SLC25A21: variants seen among roughly 807,000 people sequenced by gnomAD.
SLC25A21 encodes mitochondrial 2-oxodicarboxylate carrier.
In SLC25A21, 47 loss-of-function variants were observed where a neutral mutation model predicts 43.8. The ratio of observed to expected loss-of-function variants is 1.07; its 90% confidence interval spans 0.85 to 1.37. The LOEUF is 1.37. Among genes scored for constraint, SLC25A21 ranks in the 40% most tolerant of loss-of-function variants. The pLI, the probability that SLC25A21 is intolerant of heterozygous loss-of-function variation, is 0.00. For missense variants in SLC25A21, 352 were observed against 350.2 expected (o/e 1.00, Z -0.04); for synonymous variants, 131 against 121.3 (o/e 1.08, Z -0.52).
chr14:36,782,588 C>T lies in SLC25A21; in HGVS notation c.203+31330G>A, dbSNP rs564086536. On this transcript the variant is annotated intron_variant, in intron 3 of 9. Transcript: ENST00000331299. ...TTAGGAAAGAAACACCCTCACCAGT[C>T]AGCCCAGCTAGGGATTCTGAGGCTT... is the stretch of plus-strand genomic sequence containing the variant. 7.9e-4 allele frequency among the ~76,000 whole-genome samples: 120 copies of T among 152,306 alleles called. 1 individual carries two copies. Among genetic ancestry groups the T allele is most frequent in the African/African-American group, 2.9e-3 (119 of 41,560 alleles).
intron 7 of SLC25A21, among the ~76,000 whole-genome samples, chr14:36,692,713 GAT>G (rs1882842539): frequency 6.6e-6 from 1 of 152,196 alleles, no homozygotes; most frequent in African/African-American, 2.4e-5. Context: ...GAGTGGGGGT[GAT>G]GAGGGACACA....
chr14:36,752,646 T>C (rs1436140979), intron 3 of SLC25A21, among the ~76,000 whole-genome samples: 1 of 152,192 alleles, frequency 6.6e-6, no homozygotes, highest in Admixed American at 6.5e-5. Flanking sequence ...AAGTACTGTA[T>C]TGACATGGTT....
chr14:37,110,954 CA>C (rs146005650), intron 1 of SLC25A21, among the ~76,000 whole-genome samples: 18,578 of 146,836 alleles, frequency 0.13, 2,820 homozygotes, highest in African/African-American at 0.36. Flanking sequence ...TGAACAGCAA[CA>C]AAAAAAAAAT....
At chr14:37,132,144 C>T (rs1305181522) in intron 1 of SLC25A21, among the ~76,000 whole-genome samples, 5 of 152,116 alleles carry the variant, frequency 3.3e-5, no homozygotes, top group African/African-American at 9.7e-5. Context: ...CAAAAGGGGG[C>T]CAAACTTATC....
At chr14:36,905,689 A>C (rs533581583) in intron 1 of SLC25A21, among the ~76,000 whole-genome samples, 10 of 152,078 alleles carry the variant, frequency 6.6e-5, no homozygotes, top group Non-Finnish European at 1.2e-4. Flanking sequence ...AGAGGTCTGA[A>C]GGAGAAAGCA....
chr14:36,999,558 T>C (rs1382517531), intron 1 of SLC25A21, among the ~76,000 whole-genome samples: 3 of 152,086 alleles, frequency 2.0e-5, no homozygotes, highest in African/African-American at 7.2e-5. Context: ...TTGTAACAAA[T>C]GTACAAGTGG....
At chr14:37,070,927 GT>G (rs1372847999) in intron 1 of SLC25A21, among the ~76,000 whole-genome samples, 1 of 152,156 alleles carries the variant, frequency 6.6e-6, no homozygotes, top group Admixed American at 6.5e-5. Context: ...TGGACAAGCT[GT>G]CACATCAGTT....
intron 1 of SLC25A21, among the ~76,000 whole-genome samples, chr14:36,914,266 A>G (rs903177017): frequency 5.3e-5 from 8 of 152,172 alleles, no homozygotes; most frequent in Non-Finnish European, 7.4e-5. Flanking sequence ...GCTTTAGGAG[A>G]CAGGGAAGTC....
chr14:36,982,398 A>G (rs116807062), intron 1 of SLC25A21, among the ~76,000 whole-genome samples: 253 of 152,336 alleles, frequency 1.7e-3, no homozygotes, highest in African/African-American at 5.8e-3. Flanking sequence ...ACCACATAGT[A>G]ACCTCCTTTT....
chr14:36,760,649 T>C (rs1886119318), intron 3 of SLC25A21, among the ~76,000 whole-genome samples: 1 of 152,170 alleles, frequency 6.6e-6, no homozygotes, highest in Non-Finnish European at 1.5e-5. Flanking sequence ...TAGTCAGAGA[T>C]ATAGGAGAGC....
At chr14:37,167,086 G>A (rs374299239) in intron 1 of SLC25A21, among the ~76,000 whole-genome samples, 2 of 152,130 alleles carry the variant, frequency 1.3e-5, no homozygotes, top group East Asian at 1.9e-4. Context: ...AAGAATTGCC[G>A]GCAGACCTGT....
intron 1 of SLC25A21, among the ~76,000 whole-genome samples, chr14:36,969,528 G>A (rs1490335552): frequency 1.3e-5 from 2 of 151,942 alleles, no homozygotes; most frequent in African/African-American, 2.4e-5. Flanking sequence ...TTACCCGGTG[G>A]CCCAGGCTGG....
chr14:37,017,316 G>A (rs1225865126), intron 1 of SLC25A21, among the ~76,000 whole-genome samples: 2 of 151,930 alleles, frequency 1.3e-5, no homozygotes, highest in Non-Finnish European at 2.9e-5. Context: ...TGTGTCTCTT[G>A]GAATAGGCAG....
chr14:36,870,520 A>G (rs959486781), intron 2 of SLC25A21: 1 of 152,144 alleles, frequency 6.6e-6, no homozygotes, highest in Non-Finnish European at 1.5e-5. Context: ...TCTTTCTGTG[A>G]GTCTCTTTCC....
In SLC25A21 at chr14:37,051,078, G is replaced by C. The variant is rs374396149; in HGVS notation, c.70+121203C>G. Among the ~76,000 whole-genome samples, 12 of 152,196 alleles carry C rather than the reference G, an allele frequency of 7.9e-5. No individual in the cohort carries two copies. In the South Asian group the frequency reaches 2.5e-3, roughly 32 times the overall value. ...CTTAAATGACTTTGTTCATGTATTAGTTTACATCATTAATATCAAAGATCT... is the reference window on the plus strand; with the variant it reads ...CTTAAATGACTTTGTTCATGTATTACTTTACATCATTAATATCAAAGATCT... On this transcript the variant is annotated intron_variant, in intron 1 of 9. Coordinates refer to ENST00000331299, the MANE Select transcript of SLC25A21 (RefSeq NM_030631.4).
intron 2 of SLC25A21, among the ~76,000 whole-genome samples, chr14:36,832,269 A>T (rs1889066073): frequency 6.6e-6 from 1 of 152,116 alleles, no homozygotes; most frequent in Admixed American, 6.6e-5. Flanking sequence ...ATATATATAT[A>T]TATCTTCATT....
At chr14:36,888,165 G>T (rs1594669954) in intron 1 of SLC25A21, among the ~76,000 whole-genome samples, 1 of 152,248 alleles carries the variant, frequency 6.6e-6, no homozygotes, top group Admixed American at 6.5e-5. Context: ...AAATTCTGTT[G>T]CTTAGCCTAC....
At chr14:36,724,272 A>T (rs1156918497) in intron 6 of SLC25A21, among the ~76,000 whole-genome samples, 1 of 152,188 alleles carries the variant, frequency 6.6e-6, no homozygotes, top group Non-Finnish European at 1.5e-5. Context: ...CATCTACTGT[A>T]ACAGCCCAAC....
At chr14:36,819,722 A>T (rs1220898837) in intron 2 of SLC25A21, among the ~76,000 whole-genome samples, 1 of 152,160 alleles carries the variant, frequency 6.6e-6, no homozygotes, top group Admixed American at 6.6e-5. Context: ...TGGAGGCTTT[A>T]GAAATATATT....
Sources: gnomAD v4.1 joint callset for allele counts (sites outside exome capture counted in the v4.1 genomes callset) on GRCh38, gnomAD v4.1.1 for gene constraint, MANE v1.5 for transcripts, NCBI Gene and HGNC (gene_info 2026-07-23, HGNC 2026-07-21) for gene names.